CBR4: variants seen among roughly 807,000 people sequenced by gnomAD.
The protein encoded by CBR4 is carbonyl reductase 4.
CBR4 carries 22 observed loss-of-function variants against 21.0 expected under a neutral mutation model. The observed-to-expected ratio is 1.05, with a 90% CI of 0.75 to 1.50. The LOEUF (loss-of-function observed/expected upper bound fraction) is 1.50. Ranked by LOEUF, CBR4 falls within the 40% of genes most tolerant of loss-of-function variation. The probability of loss-of-function intolerance (pLI) is 0.00; values close to 1 mark genes in which losing one functional copy is unlikely to be tolerated. For synonymous variants in CBR4, 100 were observed against 104.4 expected, an observed-to-expected ratio of 0.96 and a Z score of 0.26; for missense variants, 302 against 286.3, an observed-to-expected ratio of 1.05 and a Z score of -0.40.
chr4:168,905,391 G>A (rs972693683), intron 2 of CBR4, among the ~76,000 whole-genome samples: 2 of 151,318 alleles, frequency 1.3e-5, no homozygotes, highest in South Asian at 2.1e-4. Flanking sequence ...CTCGTGATCC[G>A]CCCGCCTCGG....
chr4:168,959,955 T>G (rs965899667), intron 2 of CBR4, among the ~76,000 whole-genome samples: 9 of 151,996 alleles, frequency 5.9e-5, no homozygotes, highest in African/African-American at 2.2e-4. Context: ...AAAACTAACA[T>G]GTTAACGATA....
chr4:168,928,258 C>A (rs1407177616), intron 2 of CBR4: 2 of 182,744 alleles, frequency 1.1e-5, no homozygotes, highest in Non-Finnish European at 2.3e-5. Flanking sequence ...CTGAATGTGA[C>A]CTTTTTTTGC....
chr4:168,963,816 C>T (rs1447602702), intron 2 of CBR4, among the ~76,000 whole-genome samples: 1 of 152,082 alleles, frequency 6.6e-6, no homozygotes, highest in Non-Finnish European at 1.5e-5. Context: ...GAATAGGTTG[C>T]TGAGGGATGC....
In CBR4 at chr4:168,988,584, T is replaced by C. The variant is rs1025073268; in HGVS notation, c.*1566A>G. 3 of 985,422 alleles carry C rather than the reference T, an allele frequency of 3.0e-6. No homozygotes were observed. In the South Asian group the frequency reaches 1.4e-4, roughly 46 times the overall value. The allele number at this position is 985,422 out of a possible 1,614,324, so 61.0% of individuals were successfully genotyped here. A position where few individuals can be genotyped will look rare whatever the true frequency, so the allele number is the denominator to read the frequency against. On this transcript the variant is annotated 3_prime_UTR_variant, in exon 5 of 5. Coordinates refer to ENST00000306193, the MANE Select transcript of CBR4 (RefSeq NM_032783.5). The stretch of plus-strand genomic sequence containing the variant: ...CCCCTACCTTACAAGCATCAACTAC[T>C]ACATTGAAACCATTCTGAGTGCTGC...
intron 4 of CBR4, among the ~76,000 whole-genome samples, chr4:168,997,814 T>C (rs886621890): frequency 6.6e-6 from 1 of 152,140 alleles, no homozygotes; most frequent in Non-Finnish European, 1.5e-5. Context: ...ATTTGATGTA[T>C]CTGCCAGATA....
chr4:168,959,841 G>C lies in CBR4; in HGVS notation n.169+42230C>G, dbSNP rs548078366. 2.9e-3 allele frequency among the ~76,000 whole-genome samples: 439 copies of C among 149,934 alleles called. 3 individuals are homozygous for C. Among genetic ancestry groups the C allele is most frequent in the African/African-American group, 0.01 (409 of 40,854 alleles). On this transcript the variant is annotated intron_variant and non_coding_transcript_variant, in intron 2 of 3. Transcript: ENST00000509108. ...GCCTCCCAAAGTTCTGGGATTACAG[G>C]CGTGAGCCACCACGCCCAGCCTCAA... is the stretch of plus-strand genomic sequence containing the variant.
chr4:168,948,753 T>C (rs1250163175), intron 2 of CBR4, among the ~76,000 whole-genome samples: 1 of 152,212 alleles, frequency 6.6e-6, no homozygotes, highest in African/African-American at 2.4e-5. Flanking sequence ...TACCATGCTG[T>C]TTTGGTGACT....
chr4:168,966,674 T>C (rs541247151), intron 2 of CBR4, among the ~76,000 whole-genome samples: 1 of 152,250 alleles, frequency 6.6e-6, no homozygotes, highest in African/African-American at 2.4e-5. Flanking sequence ...GAACCAGAAA[T>C]TCCATTTGAC....
At chr4:169,006,352 A>T (rs1019791427) in intron 3 of CBR4, among the ~76,000 whole-genome samples, 24 of 152,048 alleles carry the variant, frequency 1.6e-4, no homozygotes, top group Non-Finnish European at 2.2e-4. Flanking sequence ...AAAAAAAAAA[A>T]TTCACATAAA....
chr4:168,924,020 G>A (rs994703776), intron 2 of CBR4, among the ~76,000 whole-genome samples: 3 of 152,188 alleles, frequency 2.0e-5, no homozygotes, highest in African/African-American at 7.2e-5. Flanking sequence ...ATGGCCAGTG[G>A]ACAGTGTGAG....
chr4:169,008,684 C>A (rs2126881157), intron 1 of CBR4, among the ~76,000 whole-genome samples: 1 of 152,292 alleles, frequency 6.6e-6, no homozygotes, highest in East Asian at 1.9e-4. Context: ...CTTGTGTCCA[C>A]AACCACCTTT....
At position 168,997,026 on chromosome 4, in the gene CBR4, C is replaced by T. The variant is rs929161332; in HGVS notation, c.535+5045G>A. On this transcript the variant is annotated intron_variant, in intron 4 of 4. Coordinates refer to ENST00000306193, the MANE Select transcript of CBR4 (RefSeq NM_032783.5). ...TACTTTCCGGTCTGTGCTCTCTCTC[C>T]TTGGCCCCAAAGGACTCTCCCCCAT... 2.0e-5 allele frequency among the ~76,000 whole-genome samples: 3 copies of T among 152,174 alleles called. No homozygotes were observed. In the East Asian group the frequency reaches 5.8e-4, roughly 29 times the overall value.
chr4:168,952,966 G>A (rs1205566735), intron 2 of CBR4, among the ~76,000 whole-genome samples: 1 of 152,176 alleles, frequency 6.6e-6, no homozygotes, highest in Non-Finnish European at 1.5e-5. Flanking sequence ...AGTGGGCAGG[G>A]CCCTAGAACT....
At chr4:169,003,310 T>C (rs1469509423) in intron 3 of CBR4, among the ~76,000 whole-genome samples, 2 of 152,186 alleles carry the variant, frequency 1.3e-5, no homozygotes, top group African/African-American at 4.8e-5. Context: ...TTAACCCTCA[T>C]GGATGACTTT....
intron 2 of CBR4, among the ~76,000 whole-genome samples, chr4:168,933,513 A>G (rs1763022994): frequency 6.6e-6 from 1 of 152,246 alleles, no homozygotes; most frequent in South Asian, 2.1e-4. Flanking sequence ...AGATATATAA[A>G]GCAAATATTA....
intron 2 of CBR4, among the ~76,000 whole-genome samples, chr4:168,926,036 A>G (rs969843895): frequency 6.6e-5 from 10 of 152,154 alleles, no homozygotes; most frequent in African/African-American, 2.2e-4. Context: ...CTGTATAGAC[A>G]GTAAATCTGC....
downstream of CBR4, among the ~76,000 whole-genome samples, chr4:168,985,770 A>C (rs1764671721): frequency 6.6e-6 from 1 of 152,192 alleles, no homozygotes; most frequent in Non-Finnish European, 1.5e-5. Context: ...CCATTATCCT[A>C]AGTATCCTAA....
intron 3 of CBR4, chr4:169,005,778 A>G: frequency 1.4e-6 from 1 of 727,324 alleles, no homozygotes; most frequent in Non-Finnish European, 2.0e-6. Flanking sequence ...ATGTCCCCTT[A>G]GTTTATTAGC....
At chr4:168,914,667 G>GT (rs1357974080) in intron 2 of CBR4, among the ~76,000 whole-genome samples, 1 of 152,166 alleles carries the variant, frequency 6.6e-6, no homozygotes, top group Non-Finnish European at 1.5e-5. Flanking sequence ...AAAAAATTCA[G>GT]TAAGTCAACC....
Sources: allele counts gnomAD v4.1 joint callset (sites outside exome capture counted in the v4.1 genomes callset), GRCh38; gene constraint gnomAD v4.1.1; transcripts MANE v1.5; gene names NCBI Gene and HGNC (gene_info 2026-07-23, HGNC 2026-07-21).